Variants in SEC24B observed in about 807,000 individuals in gnomAD.
SEC24B encodes protein transport protein Sec24B.
Under a neutral mutation model 142.8 loss-of-function variants are expected in SEC24B, and 45 were observed. The ratio of observed to expected loss-of-function variants is 0.32; its 90% CI spans 0.25 to 0.40. The LOEUF is 0.40. Among genes scored for constraint, SEC24B ranks in the 10% least tolerant of loss-of-function variants. The probability of loss-of-function intolerance (pLI) is 1.00; values close to 1 mark genes in which losing one functional copy is unlikely to be tolerated. For missense variants in SEC24B, 1,409 were observed against 1,526.8 expected (o/e 0.92, Z 1.29); for synonymous variants, 574 against 568.2 (o/e 1.01, Z -0.15).
In SEC24B at chr4:109,533,634, C is replaced by T; in HGVS notation, c.3537C>T (p.Phe1179=). Reference sequence around the variant, plus strand: ...TTGGGAAAGGCTGTGACAATAACTTCATAGAGGATGTGCTTGGATATACTA... The same window carrying T: ...TTGGGAAAGGCTGTGACAATAACTTTATAGAGGATGTGCTTGGATATACTA... ...IWVGKGCDNN[F]IEDVLGYTNF... The change falls in exon 22 of 24, where the codon TTC becomes TTT. Residue 1179 remains phenylalanine (F), a synonymous_variant. Coordinates refer to ENST00000265175, the MANE Select transcript of SEC24B (RefSeq NM_006323.5). 6.2e-7 allele frequency: 1 copy of T among 1,611,028 alleles called. No individual in the cohort carries two copies. The highest frequency in any genetic ancestry group is 8.5e-7 in the Non-Finnish European group (1 of 1,178,938).
rs553661474 is a variant in SEC24B, at chr4:109,496,145, C to G, written c.1488+1289C>G. ...TTTTTTTTTTTGAGATGGCATCTCA[C>G]TCTACTGCCTAGGCTGGAGTGCAGT... is the stretch of plus-strand genomic sequence containing the variant. On this transcript the variant is annotated intron_variant, in intron 6 of 23. Coordinates refer to ENST00000265175, the MANE Select transcript of SEC24B (RefSeq NM_006323.5). 1.0e-4 allele frequency among the ~76,000 whole-genome samples: 15 copies of G among 150,708 alleles called. No homozygotes were observed. The South Asian group carries it at 3.1e-3, about 31-fold the overall frequency.
intron 1 of SEC24B, among the ~76,000 whole-genome samples, chr4:109,459,777 G>A (rs928373361): frequency 2.0e-5 from 3 of 152,168 alleles, no homozygotes; most frequent in Admixed American, 6.5e-5. Flanking sequence ...AGATCATGTA[G>A]CATGGATATG....
At chr4:109,507,128 CTTTG>C (rs1289601689) in intron 7 of SEC24B, among the ~76,000 whole-genome samples, 1 of 152,030 alleles carries the variant, frequency 6.6e-6, no homozygotes, top group African/African-American at 2.4e-5. Flanking sequence ...TGCCTCATGT[CTTTG>C]TTCTTGCATG....
chr4:109,513,275 CCT>C (rs535534184), intron 9 of SEC24B, among the ~76,000 whole-genome samples: 26 of 137,820 alleles, frequency 1.9e-4, no homozygotes, highest in African/African-American at 4.0e-4. Flanking sequence ...CGCCTGGCCC[CCT>C]GATTATTATT....
intron 1 of SEC24B, among the ~76,000 whole-genome samples, chr4:109,454,473 G>A (rs1301842001): frequency 1.3e-5 from 2 of 151,726 alleles, no homozygotes; most frequent in African/African-American, 4.8e-5. Flanking sequence ...CTCAGGTGGA[G>A]ATTGGGGTGA....
At chr4:109,527,993 A>G (rs1009925919) in intron 18 of SEC24B, among the ~76,000 whole-genome samples, 4 of 152,180 alleles carry the variant, frequency 2.6e-5, no homozygotes, top group Admixed American at 2.6e-4. Context: ...TCCATGGTAC[A>G]CTCATACAAT....
rs758195632 is a variant in SEC24B, at chr4:109,506,460, G to C, written c.1621G>C (p.Ala541Pro). ...TATTTTACCTATGACTCCTGTTTGG[G>C]CTCCTGTACCTAACTTGAATGCAGA... The part of the protein sequence containing the change: ...RNILPMTPVW[A>P]PVPNLNADLK... Residue 541 changes from alanine to proline, a missense_variant, in exon 7 of 24, where the codon GCT becomes CCT. Coordinates refer to ENST00000265175, the MANE Select transcript of SEC24B (RefSeq NM_006323.5). 1 of 1,605,500 alleles carries C rather than the reference G, an allele frequency of 6.2e-7. No homozygotes were observed. Among genetic ancestry groups the C allele is most frequent in the South Asian group, 1.1e-5 (1 of 89,508 alleles).
At chr4:109,488,916 C>T (rs1327659890) in intron 4 of SEC24B, 1 of 154,496 alleles carries the variant, frequency 6.5e-6, no homozygotes, top group Non-Finnish European at 1.5e-5. Context: ...GGATAAATAT[C>T]TGTTCAAATC....
intron 7 of SEC24B, among the ~76,000 whole-genome samples, chr4:109,509,662 G>T (rs1737097990): frequency 1.5e-5 from 2 of 134,714 alleles, no homozygotes; most frequent in Non-Finnish European, 3.1e-5. Context: ...GGGCGACAGA[G>T]CAAGACTCCA....
chr4:109,509,678 G>GAAAAA lies in SEC24B; in HGVS notation c.1674-311_1674-307dup, dbSNP rs1020221678. ...GGCGACAGAGCAAGACTCCATCTCA[G>GAAAAA]AAAAAAAAAAAAAAAAAAAAAAAAG... On this transcript the variant is annotated intron_variant, in intron 7 of 23. Transcript: ENST00000265175. 6.5e-5 allele frequency among the ~76,000 whole-genome samples: 3 copies of GAAAAA among 46,384 alleles called. No individual in the cohort carries two copies. In the Admixed American group the frequency reaches 7.5e-4, roughly 12 times the overall value. 30.4% of individuals were successfully genotyped at this position (46,384 alleles called of 152,430 possible).
At chr4:109,518,316 GT>G (rs1723201083) in intron 11 of SEC24B, among the ~76,000 whole-genome samples, 1 of 152,180 alleles carries the variant, frequency 6.6e-6, no homozygotes, top group Non-Finnish European at 1.5e-5. Flanking sequence ...AAGTACAGTT[GT>G]TTGCACATTT....
intron 1 of SEC24B, among the ~76,000 whole-genome samples, chr4:109,446,364 A>G (rs1014955679): frequency 6.6e-6 from 1 of 152,226 alleles, no homozygotes; most frequent in African/African-American, 2.4e-5. Flanking sequence ...GGCCACTAGA[A>G]GCTGGAAAAG....
intron 2 of SEC24B, among the ~76,000 whole-genome samples, chr4:109,469,139 ATATT>A (rs1732263369): frequency 6.6e-6 from 1 of 152,300 alleles, no homozygotes; most frequent in South Asian, 2.1e-4. Flanking sequence ...AAAAAAGAAA[ATATT>A]TATTCTTGAA....
chr4:109,440,968 C>T (rs1728876997), intron 1 of SEC24B, among the ~76,000 whole-genome samples: 1 of 152,162 alleles, frequency 6.6e-6, no homozygotes, highest in Admixed American at 6.5e-5. Context: ...TCCCTTATGT[C>T]CGCAAATGCA....
chr4:109,453,229 TC>T (rs1730294032), intron 1 of SEC24B, among the ~76,000 whole-genome samples: 1 of 152,104 alleles, frequency 6.6e-6, no homozygotes, highest in African/African-American at 2.4e-5. Flanking sequence ...AAAACTAGAA[TC>T]ACTAATGAAC....
Position 109,491,373 on chromosome 4 carries a change from C to T in SEC24B, c.1212C>T (p.Asn404=). ...CAAGCAGTGCTTCTCCAATGCCCAA[C>T]AGTTATGATGCCCTGGAAGGAGGCA... The part of the protein sequence containing the change: ...STTSSASPMP[N]SYDALEGGSY... The change falls in exon 5 of 24, where the codon AAC becomes AAT. Residue 404 remains asparagine (N), a synonymous_variant. Coordinates refer to ENST00000265175, the MANE Select transcript of SEC24B (RefSeq NM_006323.5). 1 of 1,613,728 alleles carries T rather than the reference C, an allele frequency of 6.2e-7. No homozygotes were observed. Among genetic ancestry groups the T allele is most frequent in the Admixed American group, 1.7e-5 (1 of 60,016 alleles).
At chr4:109,509,148 G>A (rs1208409710) in intron 7 of SEC24B, among the ~76,000 whole-genome samples, 2 of 152,148 alleles carry the variant, frequency 1.3e-5, no homozygotes, top group Non-Finnish European at 2.9e-5. Flanking sequence ...TAAGCCACAT[G>A]ACTTCTCTGG....
chr4:109,535,289 CA>C (rs1725394309), intron 22 of SEC24B, among the ~76,000 whole-genome samples: 1 of 152,166 alleles, frequency 6.6e-6, no homozygotes, highest in Non-Finnish European at 1.5e-5. Flanking sequence ...CGCTGTGGCT[CA>C]CACCTGTAAT....
intron 1 of SEC24B, among the ~76,000 whole-genome samples, chr4:109,437,590 C>T (rs1270856399): frequency 1.3e-5 from 2 of 152,142 alleles, no homozygotes; most frequent in South Asian, 4.1e-4. Context: ...GGGCTGGGCC[C>T]TGTTTTTTCT....
Sources: allele counts gnomAD v4.1 joint callset (sites outside exome capture counted in the v4.1 genomes callset), GRCh38; gene constraint gnomAD v4.1.1; transcripts MANE v1.5; gene names NCBI Gene and HGNC (gene_info 2026-07-23, HGNC 2026-07-21).